IL33: variants seen among roughly 807,000 people sequenced by gnomAD.
The protein encoded by IL33 is interleukin-33.
IL33 carries 37 observed loss-of-function variants against 27.3 expected under a neutral mutation model. That is an observed-to-expected ratio of 1.36 (90% CI 1.04 to 1.78). The LOEUF is 1.78. IL33 is among the 40% of genes most tolerant of loss of function. The probability of loss-of-function intolerance (pLI) is 0.00; values close to 1 mark genes in which losing one functional copy is unlikely to be tolerated. For missense variants in IL33, 406 were observed against 311.4 expected, an observed-to-expected ratio of 1.30 and a Z score of -2.29; for synonymous variants, 132 against 102.9, an observed-to-expected ratio of 1.28 and a Z score of -1.71.
chr9:6,230,388 A>G (rs892717089), intron 1 of IL33, among the ~76,000 whole-genome samples: 1 of 152,264 alleles, frequency 6.6e-6, no homozygotes. Context: ...GGTGGAGGGT[A>G]GGGGACAGGA....
rs184839154 is a variant in IL33 at position 6,252,893 on chromosome 9, C to T, written c.371C>T (p.Ala124Val). 17 of 1,608,200 alleles carry T rather than the reference C, an allele frequency of 1.1e-5. No homozygotes were observed. The Admixed American group carries it at 2.7e-4, about 26-fold the overall frequency. The stretch of plus-strand genomic sequence containing the variant: ...ATTTCACCTATTACAGAGTATCTTG[C>T]TTCTCTAAGCACATACAATGATCAA... ...TGISPITEYLASLSTYNDQSI... is the reference protein window; with the variant it reads ...TGISPITEYLVSLSTYNDQSI... The change falls in exon 5 of 8, where the codon GCT (alanine) becomes GTT (valine). Residue 124 changes from alanine to valine, a missense_variant. Transcript: ENST00000682010.
At chr9:6,253,041 A>T in intron 5 of IL33, 50 bp downstream of exon 5, 1 of 1,190,562 alleles carries the variant, frequency 8.4e-7, no homozygotes, top group Non-Finnish European at 1.2e-6. Flanking sequence ...TAATAAAAGT[A>T]AAACATTTTA....
intron 1 of IL33, among the ~76,000 whole-genome samples, chr9:6,229,345 T>A (rs558887963): frequency 6.6e-6 from 1 of 152,252 alleles, no homozygotes; most frequent in South Asian, 2.1e-4. Flanking sequence ...ATGTGAGGCA[T>A]GGGAGGGGGC....
At chr9:6,245,636 C>A (rs1376654943) in intron 2 of IL33, among the ~76,000 whole-genome samples, 1 of 151,910 alleles carries the variant, frequency 6.6e-6, no homozygotes, top group Non-Finnish European at 1.5e-5. Flanking sequence ...TGACCTAAGA[C>A]AACAGAATAG....
At chr9:6,217,112 C>T (rs146956694) in intron 1 of IL33, among the ~76,000 whole-genome samples, 113 of 151,444 alleles carry the variant, frequency 7.5e-4, no homozygotes, top group African/African-American at 2.7e-3. Context: ...AAATGGTCCT[C>T]GTGTATGCAC....
rs369229916 is a variant in IL33, at chr9:6,252,597, T to C, written c.344-269T>C. ...TTTCCTCAAGCAATGTCTGTTGCTT[T>C]CCATTTTCTTTTTCCCCACCAAACC... On this transcript the variant is annotated intron_variant, in intron 4 of 7. Transcript: ENST00000682010. Among the ~76,000 whole-genome samples the C allele has an allele frequency of 2.5e-4, 38 of 152,276 alleles. No homozygotes were observed. The East Asian group carries it at 3.5e-3, about 14-fold the overall frequency.
chr9:6,233,278 C>T (rs973121876), intron 1 of IL33, among the ~76,000 whole-genome samples: 2 of 152,184 alleles, frequency 1.3e-5, no homozygotes, highest in African/African-American at 2.4e-5. Context: ...TCAGAACCTA[C>T]ATTACAAAGA....
intron 3 of IL33, 89 bp from the exon 4 acceptor site, chr9:6,251,051 C>T: frequency 1.3e-6 from 2 of 1,524,942 alleles, no homozygotes; most frequent in East Asian, 2.3e-5. Flanking sequence ...TCACTACTCT[C>T]AGCAAGCAGC....
At chr9:6,246,985 T>A (rs12350670) in intron 2 of IL33, among the ~76,000 whole-genome samples, 1 of 152,090 alleles carries the variant, frequency 6.6e-6, no homozygotes, top group African/African-American at 2.4e-5. Flanking sequence ...TCAGAAGATA[T>A]ACACAGAAAG....
At chr9:6,253,123 A>G in intron 5 of IL33, 132 bp downstream of exon 5, 2 of 608,506 alleles carry the variant, frequency 3.3e-6, no homozygotes, top group Non-Finnish European at 5.4e-6. Context: ...TGCTAACTCT[A>G]ATGCATTGGC....
chr9:6,225,068 G>C (rs1249438747), intron 1 of IL33, among the ~76,000 whole-genome samples: 3 of 152,134 alleles, frequency 2.0e-5, no homozygotes, highest in Non-Finnish European at 4.4e-5. Flanking sequence ...TGCCAGAACT[G>C]ATTTCCATGA....
intron 1 of IL33, among the ~76,000 whole-genome samples, chr9:6,223,972 C>A (rs1159710509): frequency 1.3e-5 from 2 of 152,130 alleles, no homozygotes; most frequent in Non-Finnish European, 2.9e-5. Context: ...CTCAGAGGAG[C>A]CAAAGGAGTA....
intron 1 of IL33, among the ~76,000 whole-genome samples, chr9:6,216,641 G>A (rs1478538907): frequency 6.6e-6 from 1 of 152,076 alleles, no homozygotes; most frequent in Non-Finnish European, 1.5e-5. Context: ...CCAGCTACTC[G>A]GGAGGCTAAG....
chr9:6,218,704 T>A (rs1564043738), intron 1 of IL33, among the ~76,000 whole-genome samples: 2 of 132,136 alleles, frequency 1.5e-5, no homozygotes, highest in Non-Finnish European at 3.4e-5. Context: ...TATATATATA[T>A]GTTCTCCATA....
intron 7 of IL33, among the ~76,000 whole-genome samples, chr9:6,255,255 C>G (rs1321979325): frequency 1.3e-5 from 2 of 151,958 alleles, no homozygotes; most frequent in East Asian, 3.9e-4. Flanking sequence ...ATTATACAAA[C>G]ACAGAAAAAT....
At chr9:6,242,408 A>G (rs778572444) in intron 2 of IL33, 6 of 152,240 alleles carry the variant, frequency 3.9e-5, no homozygotes, top group African/African-American at 1.4e-4. Flanking sequence ...CTGATTTTCA[A>G]TGCAAAAATA....
intron 1 of IL33, among the ~76,000 whole-genome samples, chr9:6,219,333 C>A (rs979532451): frequency 6.6e-6 from 1 of 151,752 alleles, no homozygotes; most frequent in Non-Finnish European, 1.5e-5. Context: ...CTTAGTGGGC[C>A]TCAAAAAGTT....
intron 2 of IL33, among the ~76,000 whole-genome samples, chr9:6,243,025 A>G (rs185045353): frequency 6.6e-6 from 1 of 152,296 alleles, no homozygotes; most frequent in African/African-American, 2.4e-5. Flanking sequence ...GCAAACTAAG[A>G]GTGAGAATTC....
intron 1 of IL33, among the ~76,000 whole-genome samples, chr9:6,221,164 A>G (rs1328556594): frequency 6.6e-6 from 1 of 152,156 alleles, no homozygotes; most frequent in Admixed American, 6.5e-5. Flanking sequence ...GACTATCTCC[A>G]GCTTCCTGTT....
Sources: gnomAD v4.1 joint callset for allele counts (sites outside exome capture counted in the v4.1 genomes callset) on GRCh38, gnomAD v4.1.1 for gene constraint, MANE v1.5 for transcripts, NCBI Gene and HGNC (gene_info 2026-07-23, HGNC 2026-07-21) for gene names.